Variants in TENM3 observed in about 807,000 individuals in gnomAD.
TENM3 encodes the protein teneurin-3.
TENM3 carries 63 observed loss-of-function variants against 255.1 expected under a neutral mutation model. The observed-to-expected ratio is 0.25, with a 90% CI of 0.20 to 0.30. The LOEUF is 0.30. TENM3 is among the 10% of genes least tolerant of loss of function. The probability of loss-of-function intolerance (pLI) is 1.00; values close to 1 mark genes in which losing one functional copy is unlikely to be tolerated. For missense variants in TENM3, 2,929 were observed against 3,461.1 expected (o/e 0.85, Z 3.86); for synonymous variants, 1,306 against 1,322.3 (o/e 0.99, Z 0.27).
intron 4 of TENM3, among the ~76,000 whole-genome samples, chr4:182,620,306 G>A (rs1749986295): frequency 6.6e-6 from 1 of 152,196 alleles, no homozygotes; most frequent in Non-Finnish European, 1.5e-5. Flanking sequence ...TAACCATTGT[G>A]TTGGACCTTG....
chr4:181,490,445 A>G, the TENM3 span, among the ~76,000 whole-genome samples: 1 of 151,610 alleles, frequency 6.6e-6, no homozygotes, highest in African/African-American at 2.4e-5. Flanking sequence ...TACTGCAAAC[A>G]TCTTTATGAG....
chr4:182,014,130 A>G, the TENM3 span, among the ~76,000 whole-genome samples: 1 of 146,272 alleles, frequency 6.8e-6, no homozygotes. Flanking sequence ...GTATATATAC[A>G]TATACACACA....
the TENM3 span, among the ~76,000 whole-genome samples, chr4:182,026,848 G>A: frequency 6.6e-6 from 1 of 152,118 alleles, no homozygotes; most frequent in Non-Finnish European, 1.5e-5. Context: ...GTACCATGCT[G>A]TTTTGGTTAC....
At chr4:182,194,886 A>G (rs935710956) in intron 1 of TENM3, among the ~76,000 whole-genome samples, 1 of 152,180 alleles carries the variant, frequency 6.6e-6, no homozygotes, top group Admixed American at 6.5e-5. Context: ...TAGACTGGCT[A>G]TGCATGTTTT....
intron 3 of TENM3, among the ~76,000 whole-genome samples, chr4:182,530,307 C>T (rs1170235503): frequency 6.6e-6 from 1 of 152,148 alleles, no homozygotes; most frequent in African/African-American, 2.4e-5. Context: ...TATTGTGTTT[C>T]GAAACACTGC....
chr4:181,835,072 T>C, the TENM3 span: 6 of 152,208 alleles, frequency 3.9e-5, no homozygotes, highest in Non-Finnish European at 8.8e-5. Flanking sequence ...TAGTGATCCG[T>C]GGGGTGGCTT....
chr4:182,521,664 G>A (rs78417269), intron 3 of TENM3, among the ~76,000 whole-genome samples: 11,660 of 152,166 alleles, frequency 0.077, 504 homozygotes, highest in East Asian at 0.11. Context: ...AAATATTTTT[G>A]ATGTATTCAT....
At chr4:182,598,217 C>A (rs1322394425) in intron 3 of TENM3, among the ~76,000 whole-genome samples, 2 of 152,180 alleles carry the variant, frequency 1.3e-5, no homozygotes, top group Non-Finnish European at 2.9e-5. Flanking sequence ...AAATTTCCGG[C>A]CATCCACCCT....
chr4:181,477,008 G>A, the TENM3 span, among the ~76,000 whole-genome samples: 2 of 152,174 alleles, frequency 1.3e-5, no homozygotes, highest in Non-Finnish European at 2.9e-5. Flanking sequence ...TTATCAAGAA[G>A]AAAATTGTGC....
chr4:182,753,008 G>A (rs894661416), intron 20 of TENM3, among the ~76,000 whole-genome samples: 4 of 143,478 alleles, frequency 2.8e-5, no homozygotes, highest in Non-Finnish European at 6.0e-5. Flanking sequence ...GAGCAATGGT[G>A]CGATCTCGGC....
At chr4:182,292,340 A>C (rs1019277199) in intron 1 of TENM3, among the ~76,000 whole-genome samples, 1 of 152,100 alleles carries the variant, frequency 6.6e-6, no homozygotes, top group Non-Finnish European at 1.5e-5. Context: ...TTTCTATGTA[A>C]AATTCACCTC....
chr4:182,061,122 T>G, the TENM3 span, among the ~76,000 whole-genome samples: 1 of 152,176 alleles, frequency 6.6e-6, no homozygotes, highest in Non-Finnish European at 1.5e-5. Context: ...TGGGAACTCT[T>G]TCAAGGAGAG....
At chr4:182,295,254 T>G (rs1426119330) in intron 1 of TENM3, among the ~76,000 whole-genome samples, 1 of 144,604 alleles carries the variant, frequency 6.9e-6, no homozygotes, top group Admixed American at 7.0e-5. Flanking sequence ...ATATGTGCTT[T>G]GCTTTTCTTT....
At chr4:182,583,136 G>C (rs1160943819) in intron 3 of TENM3, among the ~76,000 whole-genome samples, 1 of 152,232 alleles carries the variant, frequency 6.6e-6, no homozygotes, top group African/African-American at 2.4e-5. Context: ...CAGGAGAGCT[G>C]TAGCCAGCTT....
the TENM3 span, among the ~76,000 whole-genome samples, chr4:181,896,143 A>G: frequency 6.6e-6 from 1 of 152,150 alleles, no homozygotes; most frequent in African/African-American, 2.4e-5. Flanking sequence ...GAAAGTGGGT[A>G]TCCATGGAAG....
At chr4:181,631,473 G>T in the TENM3 span, among the ~76,000 whole-genome samples, 1 of 151,968 alleles carries the variant, frequency 6.6e-6, no homozygotes, top group Non-Finnish European at 1.5e-5. Flanking sequence ...TGTATTTTTA[G>T]TAGAGGCAGG....
intron 11 of TENM3, among the ~76,000 whole-genome samples, chr4:182,687,319 T>C (rs1756658567): frequency 6.6e-6 from 1 of 152,208 alleles, no homozygotes; most frequent in African/African-American, 2.4e-5. Context: ...CTTTTACCTT[T>C]GCCTCTCCCT....
At chr4:182,015,563 T>TTTA in the TENM3 span, among the ~76,000 whole-genome samples, 1 of 151,786 alleles carries the variant, frequency 6.6e-6, no homozygotes, top group Non-Finnish European at 1.5e-5. Context: ...TATTTATTTA[T>TTTA]TTATTTATTT....
At chr4:181,513,095 CAA>C in the TENM3 span, among the ~76,000 whole-genome samples, 1 of 152,100 alleles carries the variant, frequency 6.6e-6, no homozygotes, top group East Asian at 1.9e-4. Flanking sequence ...CCGTGGTTTA[CAA>C]AAAGTTGTCT....
Sources: gnomAD v4.1 joint callset for allele counts (sites outside exome capture counted in the v4.1 genomes callset) on GRCh38, gnomAD v4.1.1 for gene constraint, MANE v1.5 for transcripts, NCBI Gene and HGNC (gene_info 2026-07-23, HGNC 2026-07-21) for gene names.